Variants in SHISA9 observed in about 807,000 individuals in gnomAD.
SHISA9 encodes protein shisa-9.
Under a neutral mutation model 38.0 loss-of-function variants are expected in SHISA9, and 13 were observed. The ratio of observed to expected loss-of-function variants is 0.34; its 90% CI spans 0.22 to 0.54. SHISA9 has a LOEUF of 0.54. Ranked by LOEUF, SHISA9 falls within the 20% of genes least tolerant of loss-of-function variation. SHISA9 has a pLI of 0.91. For missense variants in SHISA9, 538 were observed against 575.8 expected (o/e 0.93, Z 0.67); for synonymous variants, 275 against 242.0 (o/e 1.14, Z -1.27).
chr16:13,357,764 G>A, the SHISA9 span, among the ~76,000 whole-genome samples: 163 of 151,920 alleles, frequency 1.1e-3, no homozygotes, highest in African/African-American at 3.6e-3. Flanking sequence ...TCTCTGGCGG[G>A]TAGGAGTGGG....
At chr16:13,298,191 A>C in the SHISA9 span, among the ~76,000 whole-genome samples, 1 of 152,140 alleles carries the variant, frequency 6.6e-6, no homozygotes, top group East Asian at 1.9e-4. Context: ...TCATTATAGA[A>C]ACTCATCAAC....
chr16:13,454,615 G>A, the SHISA9 span, among the ~76,000 whole-genome samples: 944 of 152,280 alleles, frequency 6.2e-3, 8 homozygotes, highest in Non-Finnish European at 9.4e-3. Flanking sequence ...ACAAAATGGC[G>A]ATTCAAATAT....
chr16:13,496,100 G>T, the SHISA9 span, among the ~76,000 whole-genome samples: 1 of 152,064 alleles, frequency 6.6e-6, no homozygotes, highest in Non-Finnish European at 1.5e-5. Context: ...CCACTGTCTG[G>T]AAATATACAT....
At chr16:13,290,989 G>A in the SHISA9 span, among the ~76,000 whole-genome samples, 99,205 of 152,010 alleles carry the variant, frequency 0.65, 32,733 homozygotes, top group African/African-American at 0.75. Context: ...CTTCTTTTGC[G>A]GAAGAGAGTT....
chr16:13,113,534 G>C (rs188464452), intron 2 of SHISA9, among the ~76,000 whole-genome samples: 4 of 152,182 alleles, frequency 2.6e-5, no homozygotes, highest in African/African-American at 9.7e-5. Context: ...CCTTCTTCAG[G>C]ACTTGGCACT....
chr16:13,262,666 A>AGGG, the SHISA9 span, among the ~76,000 whole-genome samples: 423 of 48,666 alleles, frequency 8.7e-3, 3 homozygotes, highest in Middle Eastern at 0.029. Context: ...GGAAGGAAGG[A>AGGG]AGGAAGGGAG....
chr16:13,553,276 T>C, the SHISA9 span, among the ~76,000 whole-genome samples: 1 of 152,212 alleles, frequency 6.6e-6, no homozygotes, highest in East Asian at 1.9e-4. Flanking sequence ...AGAGGGCAGA[T>C]TACTTGACTA....
chr16:13,538,421 C>G, the SHISA9 span, among the ~76,000 whole-genome samples: 7,995 of 152,270 alleles, frequency 0.053, 550 homozygotes, highest in African/African-American at 0.15. Flanking sequence ...TAGACAATCT[C>G]TTCAAAGCCA....
At chr16:13,108,740 T>C (rs928362303) in intron 2 of SHISA9, among the ~76,000 whole-genome samples, 7 of 152,220 alleles carry the variant, frequency 4.6e-5, no homozygotes, top group Non-Finnish European at 8.8e-5. Flanking sequence ...GGGGGAAATA[T>C]TGAATTTGAT....
intron 2 of SHISA9, among the ~76,000 whole-genome samples, chr16:12,933,916 G>C (rs1321139423): frequency 6.6e-6 from 1 of 152,150 alleles, no homozygotes; most frequent in Non-Finnish European, 1.5e-5. Context: ...TAAGTATGGA[G>C]GAAAATGAGG....
At chr16:12,969,383 G>A (rs1224972777) in intron 2 of SHISA9, among the ~76,000 whole-genome samples, 1 of 148,596 alleles carries the variant, frequency 6.7e-6, no homozygotes, top group Non-Finnish European at 1.5e-5. Flanking sequence ...TGCTGATTAT[G>A]CTATAGTGCT....
chr16:13,125,313 A>G (rs1403776590), intron 2 of SHISA9, among the ~76,000 whole-genome samples: 3 of 152,212 alleles, frequency 2.0e-5, no homozygotes, highest in African/African-American at 7.2e-5. Context: ...AAATATTTGA[A>G]TAGACACCAC....
chr16:13,110,111 C>G (rs542843720), intron 2 of SHISA9, among the ~76,000 whole-genome samples: 13 of 152,278 alleles, frequency 8.5e-5, no homozygotes, highest in Non-Finnish European at 1.6e-4. Flanking sequence ...AGTGCTCTCC[C>G]CACCACATAT....
At chr16:13,372,074 C>T in the SHISA9 span, among the ~76,000 whole-genome samples, 1 of 152,218 alleles carries the variant, frequency 6.6e-6, no homozygotes, top group African/African-American at 2.4e-5. Context: ...GGAGCTCCTA[C>T]ATAAATATCT....
Position 12,970,438 on chromosome 16 carries a change from TACACAC to T in SHISA9, c.691+53625_691+53630del, listed in dbSNP as rs1162079121. Among the ~76,000 whole-genome samples, 14 of 54,754 alleles carry T rather than the reference TACACAC, an allele frequency of 2.6e-4. 1 individual carries two copies. Among genetic ancestry groups the T allele is most frequent in the African/African-American group, 6.5e-4 (8 of 12,360 alleles). 35.9% of individuals were successfully genotyped at this position (54,754 alleles called of 152,430 possible). On this transcript the variant is annotated intron_variant, in intron 2 of 4. Coordinates refer to ENST00000558583, the MANE Select transcript of SHISA9 (RefSeq NM_001145204.3). ...ATATACACATATATGTATATATATA[TACACAC>T]ATATATATATACATATATGTGTGTG...
In SHISA9 at chr16:12,982,762, T is replaced by G. The variant is rs117151939; in HGVS notation, c.691+65947T>G. The stretch of plus-strand genomic sequence containing the variant: ...ACTTATGTGTCTATTCCAGGCATTG[T>G]GAGTGGGCAGGTATGATAATTTCTT... On this transcript the variant is annotated intron_variant, in intron 2 of 4. Transcript: ENST00000558583. 6.0e-3 allele frequency among the ~76,000 whole-genome samples: 920 copies of G among 152,302 alleles called. 7 individuals carry two copies. Among genetic ancestry groups the G allele is most frequent in the Middle Eastern group, 0.034 (10 of 294 alleles).
At chr16:13,286,745 C>T in the SHISA9 span, among the ~76,000 whole-genome samples, 1 of 152,060 alleles carries the variant, frequency 6.6e-6, no homozygotes. Flanking sequence ...GATAGATTTT[C>T]AAGAAAAGGA....
the SHISA9 span, among the ~76,000 whole-genome samples, chr16:13,540,811 ACTG>A: frequency 6.6e-6 from 1 of 152,182 alleles, no homozygotes; most frequent in African/African-American, 2.4e-5. Flanking sequence ...TATTATTATT[ACTG>A]CTACCCCCAT....
At chr16:13,233,161 A>G (rs1365201130) in intron 4 of SHISA9, among the ~76,000 whole-genome samples, 1 of 152,128 alleles carries the variant, frequency 6.6e-6, no homozygotes, top group Non-Finnish European at 1.5e-5. Context: ...ATCTGATGAG[A>G]ATTTATGGTT....
Sources: gnomAD v4.1 joint callset for allele counts (sites outside exome capture counted in the v4.1 genomes callset) on GRCh38, gnomAD v4.1.1 for gene constraint, MANE v1.5 for transcripts, NCBI Gene and HGNC (gene_info 2026-07-23, HGNC 2026-07-21) for gene names.